The following WNK1 variants were observed in gnomAD, a reference collection of about 807,000 sequenced individuals.
WNK1 encodes the protein serine/threonine-protein kinase WNK1.
WNK1 carries 38 observed loss-of-function variants against 222.8 expected under a neutral mutation model. That is an observed-to-expected ratio of 0.17 (90% CI 0.13 to 0.22). The LOEUF is 0.22. WNK1 is among the 10% of genes least tolerant of loss of function. WNK1 has a pLI of 1.00. For synonymous variants in WNK1, 1,090 were observed against 1,092.9 expected, an observed-to-expected ratio of 1.00 and a Z score of 0.05; for missense variants, 2,348 against 2,918.4, an observed-to-expected ratio of 0.80 and a Z score of 4.50.
chr12:849,267 T>C (rs946527923), intron 4 of WNK1, among the ~76,000 whole-genome samples: 1 of 152,232 alleles, frequency 6.6e-6, no homozygotes, highest in East Asian at 1.9e-4. Context: ...CATTATCTTA[T>C]GTACTGTTGG....
chr12:788,035 C>T (rs1238470190), intron 1 of WNK1, among the ~76,000 whole-genome samples: 1 of 152,108 alleles, frequency 6.6e-6, no homozygotes, highest in Non-Finnish European at 1.5e-5. Flanking sequence ...AACTCTAGCA[C>T]AGGAGCTGAT....
rs1407961093 is a variant in WNK1, at chr12:879,714, T to C, written c.2515T>C (p.Tyr839His). The part of the protein sequence containing the change: ...QPLPTPLLPQ[Y>H]PVSQIPISTP... Reference sequence around the variant, plus strand: ...GCTCCCTACTCCCTTGCTCCCTCAGTACCCTGTCTCTCAGATTCCCATATC... The same window carrying C: ...GCTCCCTACTCCCTTGCTCCCTCAGCACCCTGTCTCTCAGATTCCCATATC... Residue 839 changes from tyrosine (Y) to histidine (H), a missense_variant, in exon 11 of 28, where the codon TAC (tyrosine) becomes CAC (histidine). Tyr to His is a moderately conservative substitution (Grantham distance 83). Coordinates refer to ENST00000315939, the MANE Select transcript of WNK1 (RefSeq NM_018979.4). The C allele has an allele frequency of 6.2e-7, 1 of 1,613,894 alleles. No individual in the cohort carries two copies. Among genetic ancestry groups the C allele is most frequent in the Non-Finnish European group, 8.5e-7 (1 of 1,179,998 alleles).
At chr12:831,850 C>G (rs1248586452) in intron 4 of WNK1, among the ~76,000 whole-genome samples, 1 of 151,678 alleles carries the variant, frequency 6.6e-6, no homozygotes, top group African/African-American at 2.4e-5. Flanking sequence ...AGTTTGAGAA[C>G]CACTGTTCAA....
At position 868,967 on chromosome 12, in the gene WNK1, G is replaced by A. The variant is rs372798589; in HGVS notation, c.2140-2298G>A. On this transcript the variant is annotated intron_variant, in intron 8 of 27. Transcript: ENST00000315939. Reference sequence around the variant, plus strand: ...AGCAGCTGCACCTTTTGGCTCTGACGTCTCAATGCCCTTTATCCATCTGCC... The same window carrying A: ...AGCAGCTGCACCTTTTGGCTCTGACATCTCAATGCCCTTTATCCATCTGCC... 11 of 1,589,984 alleles carry A rather than the reference G, an allele frequency of 6.9e-6. No individual in the cohort carries two copies. The highest frequency in any genetic ancestry group is 4.1e-5 in the African/African-American group (3 of 73,870).
At chr12:848,094 C>T (rs919630950) in intron 4 of WNK1, among the ~76,000 whole-genome samples, 5 of 152,096 alleles carry the variant, frequency 3.3e-5, no homozygotes, top group African/African-American at 1.2e-4. Context: ...CGTGAGCCAC[C>T]GCGCCTGGCT....
chr12:759,490 C>T (rs1252417881), intron 1 of WNK1, among the ~76,000 whole-genome samples: 1 of 146,752 alleles, frequency 6.8e-6, no homozygotes, highest in Non-Finnish European at 1.5e-5. Context: ...GCCACCACGC[C>T]CGGCTAATTT....
chr12:778,823 T>C (rs1455224938), intron 1 of WNK1, among the ~76,000 whole-genome samples: 1 of 152,164 alleles, frequency 6.6e-6, no homozygotes, highest in African/African-American at 2.4e-5. Context: ...AATACAGGTA[T>C]GACTTCTCTC....
At position 896,240 on chromosome 12, in the gene WNK1, C is replaced by G; in HGVS notation, c.5753C>G (p.Ser1918Cys). The G allele has an allele frequency of 6.2e-7, 1 of 1,614,192 alleles. No individual in the cohort carries two copies. The highest frequency in any genetic ancestry group is 1.7e-5 in the Admixed American group (1 of 60,018). Residue 1918 changes from serine (S) to cysteine (C), a missense_variant, in exon 24 of 28, where the codon TCT becomes TGT. By Grantham distance (112) the Ser-to-Cys change is moderately radical (BLOSUM62 -1). Transcript: ENST00000315939. ...AATGGCATAACCATCCCTGGTATCTCTTCAGATGTGCCAGAGAGTGCCCAC... is the reference window on the plus strand; with the variant it reads ...AATGGCATAACCATCCCTGGTATCTGTTCAGATGTGCCAGAGAGTGCCCAC... ...EPNGITIPGISSDVPESAHKT... is the reference protein window; with the variant it reads ...EPNGITIPGICSDVPESAHKT...
intron 25 of WNK1, among the ~76,000 whole-genome samples, chr12:899,019 C>T (rs1012381857): frequency 6.6e-6 from 1 of 152,146 alleles, no homozygotes; most frequent in South Asian, 2.1e-4. Flanking sequence ...GGATTACAGG[C>T]GTGAGCCACC....
chr12:862,496 C>T (rs1158974970), intron 8 of WNK1, among the ~76,000 whole-genome samples: 1 of 152,218 alleles, frequency 6.6e-6, no homozygotes, highest in Non-Finnish European at 1.5e-5. Context: ...GATTAGTCTG[C>T]ATTTTTACTA....
At chr12:864,237 A>G (rs1951447409) in intron 8 of WNK1, among the ~76,000 whole-genome samples, 1 of 151,148 alleles carries the variant, frequency 6.6e-6, no homozygotes, top group South Asian at 2.1e-4. Context: ...CCTCCCCAGT[A>G]GCTAAGATTA....
At chr12:881,442 G>A (rs1178418828) in intron 12 of WNK1, 4 of 531,494 alleles carry the variant, frequency 7.5e-6, no homozygotes, top group Non-Finnish European at 1.0e-5. Context: ...CAAGTTGTAG[G>A]TTCACACTGC....
At chr12:875,716 GTGTTA>G in intron 9 of WNK1, among the ~76,000 whole-genome samples, 1 of 152,340 alleles carries the variant, frequency 6.6e-6, no homozygotes, top group Non-Finnish European at 1.5e-5. Flanking sequence ...TAGATGGAAT[GTGTTA>G]TGTTATGCCA....
At chr12:825,483 C>T (rs149735337) in intron 2 of WNK1, among the ~76,000 whole-genome samples, 2 of 152,126 alleles carry the variant, frequency 1.3e-5, no homozygotes, top group African/African-American at 2.4e-5. Context: ...CATATAACCC[C>T]TCTACCGCTT....
At chr12:831,553 T>C (rs1473518252) in intron 4 of WNK1, among the ~76,000 whole-genome samples, 1 of 151,044 alleles carries the variant, frequency 6.6e-6, no homozygotes, top group East Asian at 1.9e-4. Flanking sequence ...AAAAAAAAAA[T>C]TCCTTTGTCT....
intron 1 of WNK1, among the ~76,000 whole-genome samples, chr12:808,787 G>A (rs1282302065): frequency 6.9e-6 from 1 of 145,618 alleles, no homozygotes; most frequent in African/African-American, 2.5e-5. Context: ...TTTTGAGAAG[G>A]AGTTCCACTC....
chr12:819,910 C>T (rs941971082), intron 2 of WNK1, among the ~76,000 whole-genome samples: 7 of 152,266 alleles, frequency 4.6e-5, no homozygotes, highest in Non-Finnish European at 1.5e-5. Context: ...AATTCTATTT[C>T]ATTGGCCTAC....
Position 884,614 on chromosome 12 carries a change from T to G in WNK1, c.3845-35T>G. On this transcript the variant is annotated intron_variant, in intron 18 of 27. Transcript: ENST00000315939. This position sits in a 1 kb window ranked among gnomAD's most constrained non-coding sequence, Gnocchi z 5.6. Reference sequence around the variant, plus strand: ...ATCTTTTGAATCCATCCTTTTAAAATCAGCTGATTCTTATCTTTTTGTATT... The same window carrying G: ...ATCTTTTGAATCCATCCTTTTAAAAGCAGCTGATTCTTATCTTTTTGTATT... 6.3e-7 allele frequency: 1 copy of G among 1,595,816 alleles called. No homozygotes were observed. The highest frequency in any genetic ancestry group is 1.3e-5 in the African/African-American group (1 of 74,682).
In WNK1 at chr12:867,886, G is replaced by A. The variant is rs774824248; in HGVS notation, c.2140-3379G>A. The A allele has an allele frequency of 3.3e-5, 53 of 1,613,852 alleles. No individual in the cohort carries two copies. Among genetic ancestry groups the A allele is most frequent in the South Asian group, 6.6e-5 (6 of 91,076 alleles). ...TACAGCCTCAGTCCATGGCGCATCCGTGTGGGGGGACCCCAACATACCCAG... is the reference window on the plus strand; with the variant it reads ...TACAGCCTCAGTCCATGGCGCATCCATGTGGGGGGACCCCAACATACCCAG... On this transcript the variant is annotated intron_variant, in intron 8 of 27. Coordinates refer to ENST00000315939, the MANE Select transcript of WNK1 (RefSeq NM_018979.4).
Sources: allele counts gnomAD v4.1 joint callset (sites outside exome capture counted in the v4.1 genomes callset), GRCh38; gene constraint gnomAD v4.1.1; non-coding constraint Gnocchi (gnomAD v3.1); transcripts MANE v1.5; gene names NCBI Gene and HGNC (gene_info 2026-07-23, HGNC 2026-07-21).